The following ADAMTSL1 variants were observed in gnomAD, a reference collection of about 807,000 sequenced individuals.
ADAMTSL1 encodes the protein ADAMTS like 1.
Under a neutral mutation model 201.8 loss-of-function variants are expected in ADAMTSL1, and 126 were observed. The ratio of observed to expected loss-of-function variants is 0.62; its 90% CI spans 0.54 to 0.72. The LOEUF (loss-of-function observed/expected upper bound fraction) is 0.72. Among genes scored for constraint, ADAMTSL1 ranks in the 30% least tolerant of loss-of-function variants. The probability of loss-of-function intolerance (pLI) is 0.00; values close to 1 mark genes in which losing one functional copy is unlikely to be tolerated. For missense variants in ADAMTSL1, 2,679 were observed against 2,277.8 expected (o/e 1.18, Z -3.59); for synonymous variants, 1,121 against 903.4 (o/e 1.24, Z -4.32).
At chr9:18,784,069 A>G (rs535001324) in intron 19 of ADAMTSL1, among the ~76,000 whole-genome samples, 9 of 152,318 alleles carry the variant, frequency 5.9e-5, no homozygotes, top group African/African-American at 2.2e-4. Context: ...ACCTCATAGA[A>G]CTGAGCTCTG....
In ADAMTSL1 at chr9:18,279,208, T is replaced by C. The variant is rs114536686; in HGVS notation, c.207+115227T>C. Among the ~76,000 whole-genome samples the C allele has an allele frequency of 9.5e-3, 1,449 of 152,258 alleles. 19 individuals are homozygous for C. Among genetic ancestry groups the C allele is most frequent in the African/African-American group, 0.033 (1,374 of 41,540 alleles). ...CACATATACCAAAATTCATTCATAA[T>C]ATAATCCTAGTCAGCCCTGCAGAAC... On this transcript the variant is annotated intron_variant, in intron 2 of 29. Transcript: ENST00000680146.
intron 23 of ADAMTSL1, among the ~76,000 whole-genome samples, chr9:18,880,622 G>A (rs969412101): frequency 1.3e-5 from 2 of 152,128 alleles, no homozygotes; most frequent in African/African-American, 4.8e-5. Context: ...TGTCATCCAG[G>A]CTTTGTTCTT....
intron 1 of ADAMTSL1, among the ~76,000 whole-genome samples, chr9:17,939,972 A>G (rs1827168784): frequency 6.6e-6 from 1 of 152,054 alleles, no homozygotes; most frequent in Non-Finnish European, 1.5e-5. Flanking sequence ...AATAGGGAGA[A>G]CCAGAGTGTT....
Position 18,777,072 on chromosome 9 carries a change from C to T in ADAMTSL1, c.2843C>T (p.Ser948Leu), listed in dbSNP as rs745871560. The T allele has an allele frequency of 3.1e-6, 5 of 1,613,258 alleles. No individual in the cohort carries two copies. Among genetic ancestry groups the T allele is most frequent in the South Asian group, 1.1e-5 (1 of 91,074 alleles). ...TCGGATGCAGGCGTCTACACCTGCT[C>T]AGCGGGCCCGGCCCGGGAGCACTTT... ...KPSDAGVYTC[S>L]AGPAREHFVI... Residue 948 changes from serine (S) to leucine (L), a missense_variant, in exon 19 of 29, where the codon TCA becomes TTA. Physicochemically the swap from Ser to Leu is moderately radical, Grantham distance 145. Transcript: ENST00000380548.
intron 2 of ADAMTSL1, among the ~76,000 whole-genome samples, chr9:18,443,471 G>A (rs946712159): frequency 6.6e-5 from 10 of 152,210 alleles, no homozygotes; most frequent in Non-Finnish European, 1.5e-4. Flanking sequence ...GGCAAAGTTA[G>A]TGAGGTATTC....
chr9:18,670,782 T>C (rs930263846), intron 9 of ADAMTSL1, among the ~76,000 whole-genome samples: 5 of 152,180 alleles, frequency 3.3e-5, no homozygotes, highest in Non-Finnish European at 7.3e-5. Flanking sequence ...CTCATGGTGA[T>C]AAACTAAAGA....
intron 1 of ADAMTSL1, among the ~76,000 whole-genome samples, chr9:18,024,600 T>G (rs1781618398): frequency 6.6e-6 from 1 of 152,154 alleles, no homozygotes. Flanking sequence ...ATGATTCCAT[T>G]CTTTTTTATG....
chr9:18,516,832 G>A (rs1160082804), intron 2 of ADAMTSL1, among the ~76,000 whole-genome samples: 1 of 152,154 alleles, frequency 6.6e-6, no homozygotes, highest in Non-Finnish European at 1.5e-5. Flanking sequence ...ATGCAGTCAA[G>A]CCCATTTTGC....
intron 2 of ADAMTSL1, among the ~76,000 whole-genome samples, chr9:18,259,337 C>T (rs746853365): frequency 2.0e-5 from 3 of 151,934 alleles, no homozygotes; most frequent in Non-Finnish European, 4.4e-5. Context: ...CCAGCCTGGG[C>T]GACACGGTGA....
intron 5 of ADAMTSL1, among the ~76,000 whole-genome samples, chr9:18,634,059 A>T (rs1042112435): frequency 6.6e-6 from 1 of 152,152 alleles, no homozygotes; most frequent in African/African-American, 2.4e-5. Context: ...ACAATAGTAT[A>T]AGGCAAGTTT....
chr9:18,744,984 T>A (rs1015681026), intron 15 of ADAMTSL1, among the ~76,000 whole-genome samples: 1 of 152,196 alleles, frequency 6.6e-6, no homozygotes, highest in South Asian at 2.1e-4. Flanking sequence ...AGGAGACAGA[T>A]GATGATGATG....
chr9:17,949,860 G>T (rs547424386), intron 1 of ADAMTSL1, among the ~76,000 whole-genome samples: 1 of 152,230 alleles, frequency 6.6e-6, no homozygotes, highest in East Asian at 1.9e-4. Flanking sequence ...ACCACTCTTT[G>T]ATTTGACAGC....
chr9:18,800,902 T>TA (rs1320989265), intron 20 of ADAMTSL1, among the ~76,000 whole-genome samples: 3 of 152,152 alleles, frequency 2.0e-5, no homozygotes, highest in African/African-American at 7.2e-5. Context: ...TTATTCTACT[T>TA]AGACGCCATC....
At chr9:18,890,775 AG>A (rs1418849272) in intron 25 of ADAMTSL1, 3 of 349,470 alleles carry the variant, frequency 8.6e-6, no homozygotes, top group Middle Eastern at 9.4e-4. Flanking sequence ...TGGAAATAAA[AG>A]TTGATGGAAA....
intron 3 of ADAMTSL1, among the ~76,000 whole-genome samples, chr9:18,538,902 A>G (rs1191545047): frequency 6.6e-6 from 1 of 152,230 alleles, no homozygotes; most frequent in Non-Finnish European, 1.5e-5. Context: ...TTCCTTGGTC[A>G]GAATTTGAAA....
chr9:18,403,308 A>G (rs549523454), intron 2 of ADAMTSL1, among the ~76,000 whole-genome samples: 1 of 151,970 alleles, frequency 6.6e-6, no homozygotes, highest in African/African-American at 2.4e-5. Context: ...CTCAGCCTCC[A>G]GAGTAGCTGG....
At chr9:18,332,431 T>C (rs1012784438) in intron 2 of ADAMTSL1, among the ~76,000 whole-genome samples, 3 of 151,980 alleles carry the variant, frequency 2.0e-5, no homozygotes, top group Non-Finnish European at 4.4e-5. Flanking sequence ...CTTGCTATCT[T>C]TTTTATACGC....
intron 2 of ADAMTSL1, among the ~76,000 whole-genome samples, chr9:18,524,511 T>G (rs533089459): frequency 3.9e-5 from 6 of 152,188 alleles, no homozygotes; most frequent in East Asian, 1.9e-4. Context: ...GCATCCCTGT[T>G]TTGTGCCAGT....
chr9:18,052,702 G>T (rs1334989049), intron 1 of ADAMTSL1, among the ~76,000 whole-genome samples: 5 of 152,058 alleles, frequency 3.3e-5, no homozygotes, highest in Admixed American at 2.0e-4. Context: ...ATTAAAAACA[G>T]CATCATCATC....
Sources: allele counts gnomAD v4.1 joint callset (sites outside exome capture counted in the v4.1 genomes callset), GRCh38; gene constraint gnomAD v4.1.1; transcripts MANE v1.5; gene names NCBI Gene and HGNC (gene_info 2026-07-23, HGNC 2026-07-21).